The following GRXCR1 variants were observed in gnomAD, a reference collection of about 807,000 sequenced individuals.
GRXCR1 encodes the protein glutaredoxin domain-containing cysteine-rich protein 1.
A neutral mutation model predicts 27.3 loss-of-function variants in GRXCR1; 27 were observed. That is an observed-to-expected ratio of 0.99 (90% confidence interval 0.73 to 1.37). GRXCR1 has a LOEUF of 1.37. Ranked by LOEUF, GRXCR1 falls within the 40% of genes most tolerant of loss-of-function variation. GRXCR1 has a pLI of 0.00. For synonymous variants in GRXCR1, 122 were observed against 131.1 expected, an observed-to-expected ratio of 0.93 and a Z score of 0.47; for missense variants, 379 against 354.4, an observed-to-expected ratio of 1.07 and a Z score of -0.56.
chr4:42,909,608 A>C (rs1476273873), intron 1 of GRXCR1, among the ~76,000 whole-genome samples: 4 of 152,130 alleles, frequency 2.6e-5, no homozygotes, highest in Non-Finnish European at 4.4e-5. Context: ...TTATTTTCTC[A>C]TTAAAAAATC....
At chr4:42,929,531 A>C (rs1011082028) in intron 1 of GRXCR1, among the ~76,000 whole-genome samples, 3 of 151,992 alleles carry the variant, frequency 2.0e-5, no homozygotes, top group Non-Finnish European at 4.4e-5. Flanking sequence ...ACTCATAAGC[A>C]TATGTGAGTT....
At chr4:42,935,615 T>C (rs1020566500) in intron 1 of GRXCR1, among the ~76,000 whole-genome samples, 1 of 151,850 alleles carries the variant, frequency 6.6e-6, no homozygotes, top group African/African-American at 2.4e-5. Flanking sequence ...AAAGAAGCTC[T>C]GTAAGAGTGG....
Position 42,962,886 on chromosome 4 carries a change from C to G in GRXCR1, c.385-6C>G. On this transcript the variant is annotated splice_polypyrimidine_tract_variant and splice_region_variant and intron_variant, in intron 1 of 3. Coordinates refer to ENST00000399770, the MANE Select transcript of GRXCR1 (RefSeq NM_001080476.3). ...ACATTCTTACAACTCAATGTTTTCC[C>G]TTCAGCAACCATCAACTGATCTAGA... 3.1e-6 allele frequency: 5 copies of G among 1,612,324 alleles called. No homozygotes were observed. The highest frequency in any genetic ancestry group is 3.4e-6 in the Non-Finnish European group (4 of 1,178,748).
At chr4:42,931,613 A>G (rs1427401696) in intron 1 of GRXCR1, among the ~76,000 whole-genome samples, 2 of 151,762 alleles carry the variant, frequency 1.3e-5, no homozygotes, top group Admixed American at 6.6e-5. Flanking sequence ...TTGGCAAAAA[A>G]TTATATATAT....
intron 1 of GRXCR1, among the ~76,000 whole-genome samples, chr4:42,897,941 A>C (rs921558087): frequency 1.8e-5 from 1 of 55,676 alleles, no homozygotes; most frequent in African/African-American, 3.6e-5. Context: ...TATTATTATT[A>C]TTATTATTAT....
chr4:42,957,431 G>A (rs1748030813), intron 1 of GRXCR1, among the ~76,000 whole-genome samples: 1 of 151,976 alleles, frequency 6.6e-6, no homozygotes, highest in African/African-American at 2.4e-5. Flanking sequence ...TGAATGGGTA[G>A]CTGTTATTTT....
At chr4:42,997,802 G>C (rs191495527) in intron 2 of GRXCR1, among the ~76,000 whole-genome samples, 1 of 152,186 alleles carries the variant, frequency 6.6e-6, no homozygotes, top group African/African-American at 2.4e-5. Context: ...AAAGGCCCCT[G>C]CCCTCATTTC....
intron 2 of GRXCR1, among the ~76,000 whole-genome samples, chr4:43,001,255 ACTTTGC>A (rs1712347633): frequency 6.6e-6 from 1 of 152,072 alleles, no homozygotes; most frequent in Non-Finnish European, 1.5e-5. Context: ...GTGAGTCTCT[ACTTTGC>A]TCTTTTGCTT....
intron 2 of GRXCR1, among the ~76,000 whole-genome samples, chr4:43,001,565 G>A (rs551069370): frequency 2.0e-5 from 3 of 151,922 alleles, no homozygotes; most frequent in South Asian, 2.2e-4. Context: ...ACATGTCCTC[G>A]GTGTATGTGT....
In GRXCR1 at chr4:42,893,184, T is replaced by C; in HGVS notation, c.-83T>C. Reference sequence around the variant, plus strand: ...GTGCTGCCATCACTAGAATTGGCTCTGATATTGCTATCTGGCAAGTGGACT... The same window carrying C: ...GTGCTGCCATCACTAGAATTGGCTCCGATATTGCTATCTGGCAAGTGGACT... On this transcript the variant is annotated 5_prime_UTR_variant, in exon 1 of 4. Transcript: ENST00000399770. The C allele has an allele frequency of 6.6e-7, 1 of 1,508,136 alleles. No homozygotes were observed. The highest frequency in any genetic ancestry group is 9.2e-7 in the Non-Finnish European group (1 of 1,085,814). 93.4% of individuals were successfully genotyped at this position (1,508,136 alleles called of 1,614,324 possible). A position where few individuals can be genotyped will look rare whatever the true frequency, so the allele number is the denominator to read the frequency against.
chr4:42,957,173 T>C (rs772469739), intron 1 of GRXCR1, among the ~76,000 whole-genome samples: 3 of 152,114 alleles, frequency 2.0e-5, no homozygotes, highest in Non-Finnish European at 4.4e-5. Context: ...TAACCTCAAA[T>C]ATCAGAAAAT....
At chr4:42,917,499 A>G (rs1746911404) in intron 1 of GRXCR1, among the ~76,000 whole-genome samples, 1 of 152,146 alleles carries the variant, frequency 6.6e-6, no homozygotes. Flanking sequence ...ACCAGAGAGG[A>G]CTTCACTGGC....
Position 42,991,371 on chromosome 4 carries a change from T to C in GRXCR1, c.627+28237T>C, listed in dbSNP as rs145518303. Reference sequence around the variant, plus strand: ...CAAAATTTTTTTCTTACCATTCTTATGCCATTTTGTGCTTTGTGTTTTTCA... The same window carrying C: ...CAAAATTTTTTTCTTACCATTCTTACGCCATTTTGTGCTTTGTGTTTTTCA... On this transcript the variant is annotated intron_variant, in intron 2 of 3. Transcript: ENST00000399770. Among the ~76,000 whole-genome samples, 99 of 152,114 alleles carry C rather than the reference T, an allele frequency of 6.5e-4. 1 individual carries two copies. The highest frequency in any genetic ancestry group is 2.2e-3 in the African/African-American group (93 of 41,552).
intron 1 of GRXCR1, among the ~76,000 whole-genome samples, chr4:42,915,462 C>CT (rs552374690): frequency 2.0e-5 from 3 of 151,962 alleles, no homozygotes; most frequent in Admixed American, 6.6e-5. Context: ...CTCTTTCTCT[C>CT]TTTTTTTTCC....
intron 1 of GRXCR1, among the ~76,000 whole-genome samples, chr4:42,930,385 C>T (rs1006701632): frequency 3.3e-5 from 5 of 151,970 alleles, no homozygotes; most frequent in Middle Eastern, 3.2e-3. Context: ...CTTCTAACTT[C>T]TAAACCAAGC....
At chr4:42,939,779 A>G (rs1010035155) in intron 1 of GRXCR1, among the ~76,000 whole-genome samples, 3 of 152,004 alleles carry the variant, frequency 2.0e-5, no homozygotes, top group Non-Finnish European at 4.4e-5. Flanking sequence ...TATTATGATT[A>G]CATCTCTGTC....
intron 1 of GRXCR1, among the ~76,000 whole-genome samples, chr4:42,897,554 A>G (rs1746372782): frequency 6.6e-6 from 1 of 152,260 alleles, no homozygotes; most frequent in African/African-American, 2.4e-5. Context: ...GATTGTATTT[A>G]TAAGCATTCT....
intron 2 of GRXCR1, among the ~76,000 whole-genome samples, chr4:42,963,867 A>T (rs964477537): frequency 6.6e-6 from 1 of 152,036 alleles, no homozygotes; most frequent in Non-Finnish European, 1.5e-5. Flanking sequence ...TGACTACATG[A>T]TCACTTATCA....
chr4:43,018,642 G>A (rs533732647), intron 2 of GRXCR1, among the ~76,000 whole-genome samples: 2 of 152,248 alleles, frequency 1.3e-5, no homozygotes, highest in Non-Finnish European at 2.9e-5. Flanking sequence ...CATTCATTTT[G>A]TTTGGAGTCA....
Sources: gnomAD v4.1 joint callset for allele counts (sites outside exome capture counted in the v4.1 genomes callset) on GRCh38, gnomAD v4.1.1 for gene constraint, MANE v1.5 for transcripts, NCBI Gene and HGNC (gene_info 2026-07-23, HGNC 2026-07-21) for gene names.